The following RGS7 variants were observed in gnomAD, a reference collection of about 807,000 sequenced individuals.
RGS7 encodes the protein regulator of G-protein signaling 7.
In RGS7, 27 loss-of-function variants were observed where a neutral mutation model predicts 81.1. The observed-to-expected ratio is 0.33, with a 90% CI of 0.25 to 0.46. RGS7 has a LOEUF of 0.46. RGS7 is among the 20% of genes least tolerant of loss of function. The probability of loss-of-function intolerance (pLI) is 1.00; values close to 1 mark genes in which losing one functional copy is unlikely to be tolerated. For missense variants in RGS7, 396 were observed against 607.4 expected, an observed-to-expected ratio of 0.65 and a Z score of 3.66; for synonymous variants, 208 against 207.7, an observed-to-expected ratio of 1.00 and a Z score of -0.01.
intron 10 of RGS7, among the ~76,000 whole-genome samples, chr1:240,818,766 T>G (rs1048116575): frequency 1.6e-4 from 25 of 152,160 alleles, no homozygotes; most frequent in African/African-American, 6.0e-4. Context: ...AGAGTGACAG[T>G]TACCAGAGGC....
At chr1:241,249,294 G>A (rs868736969) in intron 2 of RGS7, among the ~76,000 whole-genome samples, 1 of 150,684 alleles carries the variant, frequency 6.6e-6, no homozygotes, top group Non-Finnish European at 1.5e-5. Flanking sequence ...GTGGTTTATG[G>A]TAAAGGTCAA....
intron 2 of RGS7, among the ~76,000 whole-genome samples, chr1:241,143,082 C>T (rs908165644): frequency 6.6e-6 from 1 of 152,232 alleles, no homozygotes; most frequent in Non-Finnish European, 1.5e-5. Flanking sequence ...AGTTCCTCAT[C>T]TCCATCTGAG....
intron 2 of RGS7, among the ~76,000 whole-genome samples, chr1:241,149,568 A>C (rs1408841149): frequency 6.6e-6 from 1 of 152,158 alleles, no homozygotes; most frequent in Non-Finnish European, 1.5e-5. Context: ...TAAGTTCTAC[A>C]CATAAATGAC....
intron 2 of RGS7, among the ~76,000 whole-genome samples, chr1:241,112,048 G>A (rs2065546756): frequency 1.3e-5 from 2 of 152,062 alleles, no homozygotes; most frequent in Admixed American, 6.5e-5. Flanking sequence ...AGATGCCTCA[G>A]GTCATTCGAG....
chr1:241,151,565 C>CTTTTT (rs58097674), intron 2 of RGS7, among the ~76,000 whole-genome samples: 53 of 116,332 alleles, frequency 4.6e-4, no homozygotes, highest in Non-Finnish European at 6.6e-4. Flanking sequence ...ATTAGGAACT[C>CTTTTT]TTTTTTTTTT....
chr1:241,190,656 A>G (rs2072570780), intron 2 of RGS7, among the ~76,000 whole-genome samples: 1 of 152,082 alleles, frequency 6.6e-6, no homozygotes, highest in African/African-American at 2.4e-5. Flanking sequence ...AGATTTTTGT[A>G]TGTTTATCTT....
chr1:240,979,085 A>G (rs948935568), intron 4 of RGS7, among the ~76,000 whole-genome samples: 2 of 152,204 alleles, frequency 1.3e-5, no homozygotes, highest in Non-Finnish European at 2.9e-5. Flanking sequence ...AGGCAGGATA[A>G]AAAATCAGTT....
chr1:240,795,072 T>C (rs61832398), intron 18 of RGS7, among the ~76,000 whole-genome samples: 104,627 of 151,892 alleles, frequency 0.69, 36,299 homozygotes, highest in African/African-American at 0.73. Flanking sequence ...GTAATCCCAG[T>C]TATTTGGAGG....
At chr1:241,262,537 T>C (rs1038212555) in intron 2 of RGS7, among the ~76,000 whole-genome samples, 2 of 152,348 alleles carry the variant, frequency 1.3e-5, no homozygotes, top group Non-Finnish European at 2.9e-5. Context: ...GATTTGTTTG[T>C]GAGCTTTGAA....
chr1:240,881,342 G>C (rs1666339951), intron 6 of RGS7, among the ~76,000 whole-genome samples: 1 of 146,740 alleles, frequency 6.8e-6, no homozygotes, highest in African/African-American at 2.5e-5. Flanking sequence ...CACACGGGGG[G>C]CCTGTCGTGG....
At chr1:241,184,285 T>C (rs1388597868) in intron 2 of RGS7, among the ~76,000 whole-genome samples, 5 of 152,214 alleles carry the variant, frequency 3.3e-5, no homozygotes, top group African/African-American at 1.2e-4. Flanking sequence ...CATGATTACC[T>C]AGCCACTCTG....
intron 10 of RGS7, among the ~76,000 whole-genome samples, chr1:240,820,285 T>C (rs1047780869): frequency 2.0e-5 from 3 of 152,204 alleles, no homozygotes; most frequent in Admixed American, 6.5e-5. Flanking sequence ...TTATTTGCAA[T>C]GCTTTGGCTT....
chr1:241,201,802 G>T (rs1277429672), intron 2 of RGS7, among the ~76,000 whole-genome samples: 1 of 152,046 alleles, frequency 6.6e-6, no homozygotes, highest in East Asian at 1.9e-4. Context: ...TTCACCCGAG[G>T]TCTTACTAAA....
At chr1:240,860,164 A>G (rs1020452755) in intron 9 of RGS7, among the ~76,000 whole-genome samples, 1 of 152,194 alleles carries the variant, frequency 6.6e-6, no homozygotes, top group Non-Finnish European at 1.5e-5. Context: ...AAGAACGTGT[A>G]TTCTGCTGCT....
chr1:240,887,160 A>G (rs139376245), intron 6 of RGS7, among the ~76,000 whole-genome samples: 1 of 152,324 alleles, frequency 6.6e-6, no homozygotes, highest in East Asian at 1.9e-4. Flanking sequence ...TTTCTACTCA[A>G]AAGAAAATTA....
intron 3 of RGS7, among the ~76,000 whole-genome samples, chr1:241,055,873 C>T (rs1323524796): frequency 6.6e-6 from 1 of 152,204 alleles, no homozygotes; most frequent in Non-Finnish European, 1.5e-5. Context: ...CAAAAAGACA[C>T]TTGTCACTTT....
chr1:241,343,089 C>T (rs944959957), intron 2 of RGS7, among the ~76,000 whole-genome samples: 8 of 151,910 alleles, frequency 5.3e-5, no homozygotes, highest in African/African-American at 1.7e-4. Context: ...GGTGAAACCC[C>T]GTCTCTACTA....
chr1:240,998,233 T>C (rs1052815277), intron 3 of RGS7, among the ~76,000 whole-genome samples: 2 of 152,176 alleles, frequency 1.3e-5, no homozygotes. Context: ...GCTTTCAAGA[T>C]GTTTGTTTTG....
intron 3 of RGS7, among the ~76,000 whole-genome samples, chr1:240,991,720 A>G (rs1244953192): frequency 6.6e-6 from 1 of 152,212 alleles, no homozygotes; most frequent in African/African-American, 2.4e-5. Context: ...AAAACAAGTA[A>G]TAAGTGTGTA....
Sources: gnomAD v4.1 joint callset for allele counts (sites outside exome capture counted in the v4.1 genomes callset) on GRCh38, gnomAD v4.1.1 for gene constraint, MANE v1.5 for transcripts, NCBI Gene and HGNC (gene_info 2026-07-23, HGNC 2026-07-21) for gene names.